The following RNF212B variants were observed in gnomAD, a reference collection of about 807,000 sequenced individuals.
RNF212B encodes the protein E3 ubiquitin-protein ligase RNF212B.
Under a neutral mutation model 55.5 loss-of-function variants are expected in RNF212B, and 52 were observed. That is an observed-to-expected ratio of 0.94 (90% confidence interval 0.75 to 1.18). The LOEUF (loss-of-function observed/expected upper bound fraction) is 1.18, where lower values mean the gene tolerates loss of function less well. Ranked by LOEUF, RNF212B falls within the 50% of genes most tolerant of loss-of-function variation. The pLI is 0.00. For missense variants in RNF212B, 289 were observed against 350.4 expected, an observed-to-expected ratio of 0.82 and a Z score of 1.40; for synonymous variants, 99 against 121.4, an observed-to-expected ratio of 0.82 and a Z score of 1.21.
At chr14:23,226,514 C>T (rs1383271769) in intron 2 of RNF212B, among the ~76,000 whole-genome samples, 1 of 151,734 alleles carries the variant, frequency 6.6e-6, no homozygotes, top group East Asian at 1.9e-4. Context: ...GCCTGTAGTC[C>T]CAGCTGCTGG....
intron 2 of RNF212B, among the ~76,000 whole-genome samples, chr14:23,202,740 A>G (rs1009264614): frequency 3.3e-5 from 5 of 151,582 alleles, no homozygotes; most frequent in Admixed American, 6.6e-5. Context: ...AGTCCCAGCT[A>G]CTCGAGAGGC....
At chr14:23,228,078 A>G (rs577502562) in intron 2 of RNF212B, among the ~76,000 whole-genome samples, 71 of 151,898 alleles carry the variant, frequency 4.7e-4, no homozygotes, top group African/African-American at 1.7e-3. Flanking sequence ...TAAAAATACA[A>G]AATTAGCCAG....
chr14:23,201,431 A>C (rs762458143), intron 2 of RNF212B, among the ~76,000 whole-genome samples: 28 of 152,328 alleles, frequency 1.8e-4, no homozygotes, highest in Middle Eastern at 3.4e-3. Flanking sequence ...TGTTATTGAT[A>C]ATGTACACTA....
chr14:23,238,371 A>G (rs995016767), intron 1 of RNF212B, among the ~76,000 whole-genome samples: 4 of 152,096 alleles, frequency 2.6e-5, no homozygotes, highest in African/African-American at 9.7e-5. Flanking sequence ...CTGTTTATTC[A>G]GTACATTTTT....
chr14:23,259,378 T>C (rs1488266747), intron 5 of RNF212B: 3 of 150,914 alleles, frequency 2.0e-5, no homozygotes, highest in Admixed American at 6.6e-5. Flanking sequence ...TTTTTTTTTT[T>C]TGTAGAGAGG....
chr14:23,266,404 G>GTTTTTTTTT (rs57731750), intron 11 of RNF212B, among the ~76,000 whole-genome samples: 52 of 46,858 alleles, frequency 1.1e-3, no homozygotes, highest in African/African-American at 1.9e-3. Flanking sequence ...CCTTTTAAAT[G>GTTTTTTTTT]TTTTTTTTTT....
chr14:23,202,343 GTT>G (rs1487613158), intron 2 of RNF212B, among the ~76,000 whole-genome samples: 1 of 151,486 alleles, frequency 6.6e-6, no homozygotes, highest in African/African-American at 2.4e-5. Context: ...GCATCAGTGT[GTT>G]TTTGACACTA....
chr14:23,190,005 G>A (rs1170502106), intron 1 of RNF212B, among the ~76,000 whole-genome samples: 1 of 152,054 alleles, frequency 6.6e-6, no homozygotes, highest in Non-Finnish European at 1.5e-5. Context: ...TTGGACCACC[G>A]GTGGTCCAAT....
chr14:23,238,657 G>A (rs781329157), intron 1 of RNF212B, among the ~76,000 whole-genome samples: 52 of 151,654 alleles, frequency 3.4e-4, no homozygotes, highest in Non-Finnish European at 2.8e-4. Flanking sequence ...AAGATCGCTT[G>A]AGCCCAGGAG....
chr14:23,226,826 T>TTTTTTTTA (rs1555313758), intron 2 of RNF212B, among the ~76,000 whole-genome samples: 1 of 145,192 alleles, frequency 6.9e-6, no homozygotes, highest in African/African-American at 2.6e-5. Context: ...TTTTTTTTTT[T>TTTTTTTTA]AATAGAGAGG....
At chr14:23,241,908 C>T (rs1428137173) in intron 2 of RNF212B, among the ~76,000 whole-genome samples, 1 of 150,552 alleles carries the variant, frequency 6.6e-6, no homozygotes, top group Non-Finnish European at 1.5e-5. Flanking sequence ...CGGTGAAACC[C>T]CATCTCTACT....
Position 23,231,611 on chromosome 14 carries a change from CCCCCTCTCCCCTCT to C in RNF212B, c.-1-8715_-1-8702del, listed in dbSNP as rs1011417068. On this transcript the variant is annotated intron_variant, in intron 2 of 15. Transcript: ENST00000399910. ...AAAAGATAAGAATATTTAAAGAGCT[CCCCCTCTCCCCTCT>C]CCCCTCTCCCCTCTCCCCACGGTCT... Among the ~76,000 whole-genome samples, 8 of 151,794 alleles carry C rather than the reference CCCCCTCTCCCCTCT, an allele frequency of 5.3e-5. No homozygotes were observed. In the East Asian group the frequency reaches 5.8e-4, roughly 11 times the overall value.
At chr14:23,261,272 C>A in intron 7 of RNF212B, 1 of 188,986 alleles carries the variant, frequency 5.3e-6, no homozygotes, top group South Asian at 1.0e-4. Context: ...TTGTTTGGAC[C>A]AATCTAAGCA....
At chr14:23,200,001 G>T (rs1879125078) in intron 2 of RNF212B, among the ~76,000 whole-genome samples, 1 of 149,848 alleles carries the variant, frequency 6.7e-6, no homozygotes, top group African/African-American at 2.5e-5. Flanking sequence ...CCAAACTGTA[G>T]AACATAATAA....
intron 2 of RNF212B, among the ~76,000 whole-genome samples, chr14:23,209,745 A>C (rs1227626377): frequency 7.8e-6 from 1 of 127,874 alleles, no homozygotes; most frequent in South Asian, 3.0e-4. Context: ...GAAACCTGGC[A>C]ACCACTCTCT....
chr14:23,205,042 G>A (rs1879696980), intron 2 of RNF212B, among the ~76,000 whole-genome samples: 1 of 151,976 alleles, frequency 6.6e-6, no homozygotes, highest in African/African-American at 2.4e-5. Context: ...AATAATATTT[G>A]GACTTTCTGG....
Position 23,219,534 on chromosome 14 carries a change from A to C in RNF212B, c.-1-20811A>C, listed in dbSNP as rs147482119. On this transcript the variant is annotated intron_variant, in intron 2 of 15. Transcript: ENST00000399910. ...TCGCGCAGACTGGAGTGCAGTGGCA[A>C]GATCTCGGCTCACTGCAACCTCTGC... 8.4e-3 allele frequency among the ~76,000 whole-genome samples: 1,282 copies of C among 151,768 alleles called. 23 individuals are homozygous for C. Among genetic ancestry groups the C allele is most frequent in the African/African-American group, 0.029 (1,212 of 41,348 alleles).
In RNF212B at chr14:23,256,694, A is replaced by C. The variant is rs185114540; in HGVS notation, c.229-1855A>C. Among the ~76,000 whole-genome samples, 400 of 152,268 alleles carry C rather than the reference A, an allele frequency of 2.6e-3. 2 individuals carry two copies. The highest frequency in any genetic ancestry group is 9.1e-3 in the African/African-American group (377 of 41,560). ...GCCTCCTCTATTCAAATTTTCTAAA[A>C]TAATTTTTTTAAGTTGGGCTGTTGC... On this transcript the variant is annotated intron_variant, in intron 4 of 14. Coordinates refer to ENST00000430154, the MANE Select transcript of RNF212B (RefSeq NM_001282322.3).
In RNF212B at chr14:23,229,194, T is replaced by TATTTC. The variant is rs1882302895; in HGVS notation, c.-1-11150_-1-11146dup. 4.3e-5 allele frequency among the ~76,000 whole-genome samples: 6 copies of TATTTC among 140,944 alleles called. No individual in the cohort carries two copies. The South Asian group carries it at 1.4e-3, about 33-fold the overall frequency. 92.5% of individuals were successfully genotyped at this position (140,944 alleles called of 152,430 possible). ...CATGTTGTAGCATGTATCAAAACTT[T>TATTTC]ATTTCCTTTATGGCTGAATAATATT... On this transcript the variant is annotated intron_variant, in intron 2 of 15. Coordinates refer to the RNF212B transcript ENST00000399910.
Sources: allele counts gnomAD v4.1 joint callset (sites outside exome capture counted in the v4.1 genomes callset), GRCh38; gene constraint gnomAD v4.1.1; transcripts MANE v1.5; gene names NCBI Gene and HGNC (gene_info 2026-07-23, HGNC 2026-07-21).